Variants in PRKN observed in about 807,000 individuals in gnomAD.
PRKN encodes the protein parkin RBR E3 ubiquitin protein ligase.
Under a neutral mutation model 59.5 loss-of-function variants are expected in PRKN, and 56 were observed. The observed-to-expected ratio is 0.94, with a 90% confidence interval of 0.76 to 1.18. The LOEUF (loss-of-function observed/expected upper bound fraction) is 1.18, where lower values mean the gene tolerates loss of function less well. PRKN is among the 50% of genes most tolerant of loss of function. The pLI is 0.00. For missense variants in PRKN, 657 were observed against 596.4 expected (o/e 1.10, Z -1.06); for synonymous variants, 250 against 222.1 (o/e 1.13, Z -1.12).
intron 6 of PRKN, among the ~76,000 whole-genome samples, chr6:161,811,923 AAAATAAATAAAT>A (rs920885819): frequency 4.3e-4 from 65 of 152,078 alleles, no homozygotes; most frequent in African/African-American, 1.5e-3. Context: ...CTCTGTCTCA[AAAATAAATAAAT>A]AAATAAATAA....
intron 6 of PRKN, among the ~76,000 whole-genome samples, chr6:161,857,564 T>TG (rs1230246494): frequency 1.3e-5 from 2 of 152,054 alleles, no homozygotes; most frequent in Non-Finnish European, 2.9e-5. Flanking sequence ...AAATCTACAT[T>TG]GGGGTATGTG....
chr6:161,973,269 T>G (rs747762203), intron 6 of PRKN, 33 bp downstream of exon 6: 1 of 1,345,926 alleles, frequency 7.4e-7, no homozygotes, highest in Admixed American at 1.7e-5. Flanking sequence ...CTCACGTCCG[T>G]GGAGGGAAGT....
chr6:161,476,060 G>A lies in PRKN; in HGVS notation c.1083+72794C>T, dbSNP rs369223816. ...AAATTAGCCGGGCGTGGTGGCGGGC[G>A]CCTGTAGTCCCAGCTACTCAGGAGG... On this transcript the variant is annotated intron_variant, in intron 9 of 11. Coordinates refer to ENST00000366898, the MANE Select transcript of PRKN (RefSeq NM_004562.3). Among the ~76,000 whole-genome samples, 153 of 151,814 alleles carry A rather than the reference G, an allele frequency of 1.0e-3. 1 individual carries two copies. Among genetic ancestry groups the A allele is most frequent in the African/African-American group, 3.2e-3 (132 of 41,386 alleles).
At chr6:162,214,086 A>G (rs1013731806) in intron 3 of PRKN, among the ~76,000 whole-genome samples, 1 of 151,996 alleles carries the variant, frequency 6.6e-6, no homozygotes, top group Non-Finnish European at 1.5e-5. Context: ...AGCTTGGTTC[A>G]GGTCTCAGAC....
At chr6:162,001,051 A>G (rs2128262840) in intron 5 of PRKN, among the ~76,000 whole-genome samples, 1 of 152,102 alleles carries the variant, frequency 6.6e-6, no homozygotes, top group Non-Finnish European at 1.5e-5. Context: ...GTAGTTTTGT[A>G]TAGTTAAGCC....
chr6:161,572,485 C>T (rs60860080), intron 7 of PRKN, among the ~76,000 whole-genome samples: 7,691 of 152,048 alleles, frequency 0.051, 659 homozygotes, highest in African/African-American at 0.18. Context: ...CATGATGAAA[C>T]GCTGTTTCTA....
chr6:162,176,604 A>G (rs1398853999), intron 4 of PRKN, among the ~76,000 whole-genome samples: 3 of 111,086 alleles, frequency 2.7e-5, no homozygotes. Context: ...AATGTAGTAA[A>G]CTAAAAAAAT....
chr6:162,193,775 T>A (rs2128327639), intron 4 of PRKN, among the ~76,000 whole-genome samples: 1 of 152,318 alleles, frequency 6.6e-6, no homozygotes, highest in South Asian at 2.1e-4. Context: ...ATTTATGAAC[T>A]GCACAGTGTG....
In PRKN at chr6:161,497,708, C is replaced by T. The variant is rs1777808472; in HGVS notation, c.1083+51146G>A. Reference sequence around the variant, plus strand: ...GCTAACTCTAGCTCAATTATCTCTTCCTTTTGACAGAATTCACATCAAATG... The same window carrying T: ...GCTAACTCTAGCTCAATTATCTCTTTCTTTTGACAGAATTCACATCAAATG... On this transcript the variant is annotated intron_variant, in intron 9 of 11. Transcript: ENST00000366898. This position sits in a 1 kb window ranked among gnomAD's most constrained non-coding sequence, Gnocchi z 4.6. 6.6e-6 allele frequency among the ~76,000 whole-genome samples: 1 copy of T among 152,112 alleles called. No homozygotes were observed. The highest frequency in any genetic ancestry group is 2.4e-5 in the African/African-American group (1 of 41,422).
intron 1 of PRKN, among the ~76,000 whole-genome samples, chr6:162,596,600 C>G (rs890731140): frequency 6.6e-6 from 1 of 152,120 alleles, no homozygotes; most frequent in African/African-American, 2.4e-5. Flanking sequence ...AGCATATGAT[C>G]AATGTTCCTG....
At chr6:161,564,698 C>T (rs566897136) in intron 8 of PRKN, among the ~76,000 whole-genome samples, 1 of 152,276 alleles carries the variant, frequency 6.6e-6, no homozygotes, top group East Asian at 1.9e-4. Flanking sequence ...TGCACTATTT[C>T]CCCTTCTGCT....
At chr6:161,681,152 G>A (rs1785347584) in intron 7 of PRKN, among the ~76,000 whole-genome samples, 1 of 151,938 alleles carries the variant, frequency 6.6e-6, no homozygotes, top group African/African-American at 2.4e-5. Flanking sequence ...GTAGAGACAG[G>A]GTTTTTGCCA....
chr6:161,992,078 G>A (rs1001516055), intron 5 of PRKN, among the ~76,000 whole-genome samples: 8 of 152,084 alleles, frequency 5.3e-5, no homozygotes, highest in East Asian at 1.9e-4. Flanking sequence ...GGTAGCTCAC[G>A]CCTGTAATCC....
At chr6:162,685,084 C>A (rs1779920592) in intron 1 of PRKN, among the ~76,000 whole-genome samples, 1 of 152,146 alleles carries the variant, frequency 6.6e-6, no homozygotes, top group South Asian at 2.1e-4. Context: ...ACACTGCTTA[C>A]CAGCTATAGA....
intron 6 of PRKN, among the ~76,000 whole-genome samples, chr6:161,874,179 T>A (rs868590611): frequency 6.0e-4 from 31 of 52,012 alleles, no homozygotes; most frequent in African/African-American, 7.2e-4. Context: ...ATAATATATA[T>A]TATATATAAT....
intron 5 of PRKN, among the ~76,000 whole-genome samples, chr6:161,978,954 G>A (rs917430568): frequency 9.9e-5 from 15 of 152,140 alleles, no homozygotes; most frequent in Non-Finnish European, 1.3e-4. Flanking sequence ...CCTTTACGGC[G>A]GGTAAACTGA....
intron 2 of PRKN, among the ~76,000 whole-genome samples, chr6:162,279,173 C>T (rs2128105768): frequency 6.6e-6 from 1 of 151,742 alleles, no homozygotes; most frequent in South Asian, 2.1e-4. Flanking sequence ...TCTGACTCTA[C>T]TAAAAATACA....
chr6:161,493,232 G>A (rs1777623597), intron 9 of PRKN, among the ~76,000 whole-genome samples: 1 of 152,092 alleles, frequency 6.6e-6, no homozygotes. Context: ...AATTAAAGTA[G>A]ACAATCTTTA....
chr6:162,119,464 T>C (rs1430048609), intron 4 of PRKN, among the ~76,000 whole-genome samples: 1 of 152,206 alleles, frequency 6.6e-6, no homozygotes, highest in Non-Finnish European at 1.5e-5. Context: ...CCAAAATGTT[T>C]TGCCAGCTGG....
Sources: allele counts gnomAD v4.1 joint callset (sites outside exome capture counted in the v4.1 genomes callset), GRCh38; gene constraint gnomAD v4.1.1; non-coding constraint Gnocchi (gnomAD v3.1); transcripts MANE v1.5; gene names NCBI Gene and HGNC (gene_info 2026-07-23, HGNC 2026-07-21).